RAP1GAP: variants seen among roughly 807,000 people sequenced by gnomAD.
RAP1GAP encodes RAP1 GTPase activating protein.
Under a neutral mutation model 87.2 loss-of-function variants are expected in RAP1GAP, and 35 were observed. That is an observed-to-expected ratio of 0.40 (90% CI 0.31 to 0.53). RAP1GAP has a LOEUF of 0.53. Among genes scored for constraint, RAP1GAP ranks in the 20% least tolerant of loss-of-function variants. The probability of loss-of-function intolerance (pLI) is 0.48; values close to 1 mark genes in which losing one functional copy is unlikely to be tolerated. For synonymous variants in RAP1GAP, 375 were observed against 363.9 expected (o/e 1.03, Z -0.35); for missense variants, 734 against 898.9 (o/e 0.82, Z 2.35).
intron 1 of RAP1GAP, among the ~76,000 whole-genome samples, chr1:21,661,746 G>A (rs1268329291): frequency 1.3e-5 from 2 of 152,250 alleles, no homozygotes; most frequent in Non-Finnish European, 2.9e-5. Flanking sequence ...TACTGGACAC[G>A]TGCAAGGACA....
At position 21,613,014 on chromosome 1, in the gene RAP1GAP, C is replaced by T. The variant is rs775565212; in HGVS notation, c.528+162G>A. On this transcript the variant is annotated intron_variant, in intron 10 of 24. Transcript: ENST00000374765. The surrounding 1 kb of genome is among the most constrained non-coding windows in gnomAD (Gnocchi z 4.7). Reference sequence around the variant, plus strand: ...CCCTGGGGGAAGGCACAGGCCCTTTCGGTGGCTCCTCTTCTGCAAATTGTG... The same window carrying T: ...CCCTGGGGGAAGGCACAGGCCCTTTTGGTGGCTCCTCTTCTGCAAATTGTG... 1.8e-5 allele frequency: 14 copies of T among 765,182 alleles called. No individual in the cohort carries two copies. Among genetic ancestry groups the T allele is most frequent in the Non-Finnish European group, 3.1e-5 (14 of 449,328 alleles). The allele number at this position is 765,182 out of a possible 1,614,324, so 47.4% of individuals were successfully genotyped here.
chr1:21,599,694 C>T (rs1767445), intron 20 of RAP1GAP, 77 bp from the exon 21 acceptor site: 849,884 of 1,523,522 alleles, frequency 0.56, 239,422 homozygotes, highest in East Asian at 0.71. Flanking sequence ...CCTTGCCCTC[C>T]CCAACCCGGG....
At chr1:21,642,186 C>G (rs1045822477) in intron 2 of RAP1GAP, among the ~76,000 whole-genome samples, 1 of 152,226 alleles carries the variant, frequency 6.6e-6, no homozygotes, top group Admixed American at 6.5e-5. Flanking sequence ...TGTACAGTCA[C>G]GTGTAGGCAG....
rs562353303 is a variant in RAP1GAP, at chr1:21,658,365, C to G, written c.-148-8569G>C. Reference sequence around the variant, plus strand: ...GGTAGATCACCTGAGGCCAGGAGTTCGAGACCAGCCTGACCAATATGGTGA... The same window carrying G: ...GGTAGATCACCTGAGGCCAGGAGTTGGAGACCAGCCTGACCAATATGGTGA... On this transcript the variant is annotated intron_variant, in intron 1 of 24. Transcript: ENST00000374765. 3.3e-5 allele frequency among the ~76,000 whole-genome samples: 5 copies of G among 151,966 alleles called. No homozygotes were observed. In the East Asian group the frequency reaches 5.8e-4, roughly 18 times the overall value.
chr1:21,609,455 A>T lies in RAP1GAP; in HGVS notation c.1071+120T>A. ...GCCAGGCCCCGGTTGCAGTTAGGGG[A>T]GCCCAGCTGCCCTGGCATACAATGA... On this transcript the variant is annotated intron_variant, in intron 15 of 24. Coordinates refer to ENST00000374765, the MANE Select transcript of RAP1GAP (RefSeq NM_002885.4). This position sits in a 1 kb window ranked among gnomAD's most constrained non-coding sequence, Gnocchi z 4.4. 1 of 566,262 alleles carries T rather than the reference A, an allele frequency of 1.8e-6. No homozygotes were observed. Among genetic ancestry groups the T allele is most frequent in the Non-Finnish European group, 3.0e-6 (1 of 334,996 alleles). 35.1% of individuals were successfully genotyped at this position (566,262 alleles called of 1,614,324 possible).
At position 21,613,770 on chromosome 1, in the gene RAP1GAP, C is replaced by G. The variant is rs570248076; in HGVS notation, c.396-64G>C. Reference sequence around the variant, plus strand: ...AGGACAGGAAAATGGGAACCCCACCCCCCACAAAGTAAGGCCAGAAGGGGG... The same window carrying G: ...AGGACAGGAAAATGGGAACCCCACCGCCCACAAAGTAAGGCCAGAAGGGGG... On this transcript the variant is annotated intron_variant, in intron 8 of 24. Coordinates refer to ENST00000374765, the MANE Select transcript of RAP1GAP (RefSeq NM_002885.4). This position sits in a 1 kb window ranked among gnomAD's most constrained non-coding sequence, Gnocchi z 4.7. 6.7e-7 allele frequency: 1 copy of G among 1,484,060 alleles called. No homozygotes were observed. Among genetic ancestry groups the G allele is most frequent in the Non-Finnish European group, 9.4e-7 (1 of 1,064,778 alleles). The allele number at this position is 1,484,060 out of a possible 1,614,324, so 91.9% of individuals were successfully genotyped here.
At position 21,609,626 on chromosome 1, in the gene RAP1GAP, A is replaced by G; in HGVS notation, c.1020T>C (p.Asp340=). Residue 340 remains aspartate (D), a synonymous_variant, in exon 15 of 25, where the codon GAT becomes GAC. Transcript: ENST00000374765. The surrounding 1 kb of genome is among the most constrained non-coding windows in gnomAD (Gnocchi z 4.4). ...GGGGGGGTCCAAAGAAGGGCACATC[A>G]TCTCTTGCAGTGACAGAGACCTGGA... ...PLYKVSVTAR[D]DVPFFGPPLP... 6.3e-7 allele frequency: 1 copy of G among 1,581,354 alleles called. No individual in the cohort carries two copies. Among genetic ancestry groups the G allele is most frequent in the Non-Finnish European group, 8.6e-7 (1 of 1,164,088 alleles).
At chr1:21,618,972 C>T in intron 5 of RAP1GAP, 53 bp downstream of exon 5, 1 of 1,531,370 alleles carries the variant, frequency 6.5e-7, no homozygotes, top group Non-Finnish European at 8.9e-7. Context: ...GGCAGCACTT[C>T]CCGGACCCCC....
chr1:21,614,109 C>G lies in RAP1GAP; in HGVS notation c.292-20G>C, dbSNP rs1444499509. 6.5e-7 allele frequency: 1 copy of G among 1,527,466 alleles called. No homozygotes were observed. The highest frequency in any genetic ancestry group is 1.8e-5 in the Admixed American group (1 of 56,730). The allele number at this position is 1,527,466 out of a possible 1,614,324, so 94.6% of individuals were successfully genotyped here. A position where few individuals can be genotyped will look rare whatever the true frequency, so the allele number is the denominator to read the frequency against. Reference sequence around the variant, plus strand: ...ATGCTCCTGCAGTGGGAGGTGGGGGCCAGGGGAGTGGGTGAGGCTGAGCAT... The same window carrying G: ...ATGCTCCTGCAGTGGGAGGTGGGGGGCAGGGGAGTGGGTGAGGCTGAGCAT... On this transcript the variant is annotated intron_variant, in intron 7 of 24. Coordinates refer to ENST00000374765, the MANE Select transcript of RAP1GAP (RefSeq NM_002885.4).
Position 21,603,895 on chromosome 1 carries a change from C to T in RAP1GAP, c.1429-982G>A. 6.4e-7 allele frequency: 1 copy of T among 1,554,730 alleles called. No homozygotes were observed. Among genetic ancestry groups the T allele is most frequent in the Non-Finnish European group, 8.7e-7 (1 of 1,147,300 alleles). ...GGCGTCCGAATCTACTCGCACTTTTCCCAGGAATAAGCAATGACTGGCAAG... is the reference window on the plus strand; with the variant it reads ...GGCGTCCGAATCTACTCGCACTTTTTCCAGGAATAAGCAATGACTGGCAAG... On this transcript the variant is annotated intron_variant, in intron 18 of 24. Coordinates refer to ENST00000374765, the MANE Select transcript of RAP1GAP (RefSeq NM_002885.4). The surrounding 1 kb of genome is among the most constrained non-coding windows in gnomAD (Gnocchi z 6.0).
chr1:21,608,743 G>A (rs368325201), intron 16 of RAP1GAP, 107 bp downstream of exon 16: 6 of 1,169,412 alleles, frequency 5.1e-6, no homozygotes, highest in East Asian at 2.4e-5. Flanking sequence ...AGGTGTCCCC[G>A]CTAAGGCCAA....
intron 19 of RAP1GAP, 22 bp from the exon 20 acceptor site, chr1:21,601,819 C>CG: frequency 1.3e-6 from 2 of 1,537,452 alleles, no homozygotes; most frequent in South Asian, 1.2e-5. Context: ...ACGGGGGCAG[C>CG]GGGGGGATTC....
rs1299630408 is a variant in RAP1GAP, at chr1:21,620,135, C to T, written c.-18-85G>A. 7 of 1,464,858 alleles carry T rather than the reference C, an allele frequency of 4.8e-6. No homozygotes were observed. The African/African-American group carries it at 8.3e-5, about 17-fold the overall frequency. 90.7% of individuals were successfully genotyped at this position (1,464,858 alleles called of 1,614,324 possible). ...CCACCCGCCCCGGCCCTCCGGGTCC[C>T]ACCAGCTCTGATCAGTGACCGAGGC... On this transcript the variant is annotated intron_variant, in intron 3 of 24. Coordinates refer to ENST00000374765, the MANE Select transcript of RAP1GAP (RefSeq NM_002885.4).
chr1:21,659,677 T>C (rs2097035669), intron 1 of RAP1GAP, among the ~76,000 whole-genome samples: 1 of 152,058 alleles, frequency 6.6e-6, no homozygotes, highest in Non-Finnish European at 1.5e-5. Context: ...CTGCCATGGC[T>C]GACGGGGGAA....
At chr1:21,606,320 C>G in intron 17 of RAP1GAP, 123 bp from the exon 18 acceptor site, 1 of 1,351,620 alleles carries the variant, frequency 7.4e-7, no homozygotes, top group Non-Finnish European at 9.9e-7. Context: ...CCCTGGAAAT[C>G]CCTTCCCCTG....
At position 21,668,856 on chromosome 1, in the gene RAP1GAP, C is replaced by A. The variant is rs1419562559; in HGVS notation, c.-149+398G>T. Among the ~76,000 whole-genome samples the A allele has an allele frequency of 2.0e-5, 3 of 151,696 alleles. No individual in the cohort carries two copies. In the East Asian group the frequency reaches 5.9e-4, roughly 30 times the overall value. ...TCTGGGGGGCGCTAGGGCTTGGGCC[C>A]CTCCCCAGGGATGGAGGAAACGCGC... On this transcript the variant is annotated intron_variant, in intron 1 of 24. Coordinates refer to ENST00000374765, the MANE Select transcript of RAP1GAP (RefSeq NM_002885.4). This position sits in a 1 kb window ranked among gnomAD's most constrained non-coding sequence, Gnocchi z 6.2.
At position 21,609,965 on chromosome 1, in the gene RAP1GAP, G is replaced by A. The variant is rs2077203978; in HGVS notation, c.999+155C>T. ...CTCTGAGGGGGTGAGCTTTGGGGAC[G>A]ACAGGGGGCGTGGTGTGAACAGTGC... On this transcript the variant is annotated intron_variant, in intron 14 of 24. Coordinates refer to ENST00000374765, the MANE Select transcript of RAP1GAP (RefSeq NM_002885.4). The surrounding 1 kb of genome is among the most constrained non-coding windows in gnomAD (Gnocchi z 4.4). 6.6e-6 allele frequency among the ~76,000 whole-genome samples: 1 copy of A among 152,098 alleles called. No homozygotes were observed. The highest frequency in any genetic ancestry group is 2.4e-5 in the African/African-American group (1 of 41,416).
intron 7 of RAP1GAP, among the ~76,000 whole-genome samples, chr1:21,616,461 G>A (rs1238886606): frequency 1.3e-5 from 2 of 152,106 alleles, no homozygotes; most frequent in African/African-American, 2.4e-5. Context: ...TGTTTTCACC[G>A]ACGAGGAAAG....
chr1:21,608,716 T>C (rs2076375571), intron 16 of RAP1GAP, 134 bp downstream of exon 16: 8 of 850,950 alleles, frequency 9.4e-6, no homozygotes, highest in Admixed American at 2.1e-5. Flanking sequence ...TACTCGTCCA[T>C]CAATCCATCC....
Sources: gnomAD v4.1 joint callset for allele counts (sites outside exome capture counted in the v4.1 genomes callset) on GRCh38, gnomAD v4.1.1 for gene constraint, Gnocchi (gnomAD v3.1) non-coding constraint, MANE v1.5 for transcripts, NCBI Gene and HGNC (gene_info 2026-07-23, HGNC 2026-07-21) for gene names.